Variants in GFPT2 observed in about 807,000 individuals in gnomAD.
GFPT2 encodes the protein glutamine--fructose-6-phosphate transaminase 2, also known as glutamine--fructose-6-phosphate aminotransferase [isomerizing] 2.
A neutral mutation model predicts 85.6 loss-of-function variants in GFPT2; 62 were observed. The observed-to-expected ratio is 0.72, with a 90% CI of 0.59 to 0.90. The LOEUF (loss-of-function observed/expected upper bound fraction) is 0.90. Among genes scored for constraint, GFPT2 ranks in the 40% least tolerant of loss-of-function variants. The pLI is 0.00. For missense variants in GFPT2, 788 were observed against 893.4 expected (o/e 0.88, Z 1.50); for synonymous variants, 368 against 344.5 (o/e 1.07, Z -0.75).
In GFPT2 at chr5:180,328,130, C is replaced by T. The variant is rs766155888; in HGVS notation, c.596+147G>A. On this transcript the variant is annotated intron_variant, in intron 7 of 18. Transcript: ENST00000253778. The surrounding 1 kb of genome is among the most constrained non-coding windows in gnomAD (Gnocchi z 5.4). ...CACCAGCCATGGAGATGGTGGGGCG[C>T]GGTCCCCGGGGCTGAGCCACAGTTG... The T allele has an allele frequency of 1.3e-4, 69 of 544,368 alleles. No homozygotes were observed. Among genetic ancestry groups the T allele is most frequent in the Middle Eastern group, 3.0e-4 (1 of 3,340 alleles). The allele number at this position is 544,368 out of a possible 1,614,324, so 33.7% of individuals were successfully genotyped here.
Position 180,305,987 on chromosome 5 carries a change from T to C in GFPT2, c.1675-1048A>G, listed in dbSNP as rs566144805. On this transcript the variant is annotated intron_variant, in intron 16 of 18. Coordinates refer to ENST00000253778, the MANE Select transcript of GFPT2 (RefSeq NM_005110.4). Reference sequence around the variant, plus strand: ...TTCTTTTTTTTTTCTTTCTTTCTTTTTTTTTTTTTTCGTTGAGATGGGAGT... The same window carrying C: ...TTCTTTTTTTTTTCTTTCTTTCTTTCTTTTTTTTTTCGTTGAGATGGGAGT... Among the ~76,000 whole-genome samples the C allele has an allele frequency of 3.3e-5, 5 of 151,024 alleles. No individual in the cohort carries two copies. The South Asian group carries it at 8.4e-4, about 25-fold the overall frequency.
At chr5:180,310,361 C>T (rs909015065) in intron 15 of GFPT2, among the ~76,000 whole-genome samples, 1 of 151,768 alleles carries the variant, frequency 6.6e-6, no homozygotes, top group African/African-American at 2.4e-5. Flanking sequence ...CCTCGGCCTC[C>T]CAAAGTACTG....
At chr5:180,325,127 C>G (rs1001627749) in intron 7 of GFPT2, among the ~76,000 whole-genome samples, 1 of 152,200 alleles carries the variant, frequency 6.6e-6, no homozygotes, top group African/African-American at 2.4e-5. Context: ...TAACCTGTCT[C>G]ACTCCCACCC....
intron 18 of GFPT2, 135 bp downstream of exon 18, chr5:180,302,286 CAA>C (rs202124937): frequency 0.22 from 108,763 of 499,780 alleles, 6,290 homozygotes; most frequent in East Asian, 0.36. Flanking sequence ...GACTCAATCT[CAA>C]AAAAAAAAAA....
intron 14 of GFPT2, 82 bp downstream of exon 14, chr5:180,313,725 G>C: frequency 7.9e-7 from 1 of 1,265,562 alleles, no homozygotes; most frequent in Non-Finnish European, 1.1e-6. Context: ...GGCGCGGGCA[G>C]AGCAGGCCGG....
intron 7 of GFPT2, among the ~76,000 whole-genome samples, chr5:180,327,359 C>G (rs1326439401): frequency 6.6e-6 from 1 of 152,250 alleles, no homozygotes; most frequent in Non-Finnish European, 1.5e-5. Context: ...TAGAACGCCT[C>G]CGTCCCACCA....
rs1179017282 is a variant in GFPT2, at chr5:180,328,170, C to T, written c.596+107G>A. On this transcript the variant is annotated intron_variant, in intron 7 of 18. Coordinates refer to ENST00000253778, the MANE Select transcript of GFPT2 (RefSeq NM_005110.4). The surrounding 1 kb of genome is among the most constrained non-coding windows in gnomAD (Gnocchi z 5.4). ...AGCCACAGTTGTTCTTTAGACACCA[C>T]GAGCACCTTTCAGCGTGCCACAGGC... 8.4e-6 allele frequency: 7 copies of T among 832,646 alleles called. No homozygotes were observed. Among genetic ancestry groups the T allele is most frequent in the Non-Finnish European group, 1.2e-5 (6 of 487,764 alleles). The allele number at this position is 832,646 out of a possible 1,614,324, so 51.6% of individuals were successfully genotyped here. A position where few individuals can be genotyped will look rare whatever the true frequency, so the allele number is the denominator to read the frequency against.
intron 16 of GFPT2, 141 bp downstream of exon 16, chr5:180,307,035 A>G: frequency 1.6e-6 from 1 of 640,438 alleles, no homozygotes; most frequent in East Asian, 2.8e-5. Flanking sequence ...GCTGGTGCTC[A>G]GCGCAGGCTC....
At chr5:180,304,586 C>T (rs914303566) in intron 17 of GFPT2, among the ~76,000 whole-genome samples, 186 bp downstream of exon 17, 2 of 152,254 alleles carry the variant, frequency 1.3e-5, no homozygotes, top group Non-Finnish European at 2.9e-5. Flanking sequence ...CTGTGTGGGA[C>T]AGCTGCGGGC....
At chr5:180,305,954 C>G (rs1043809918) in intron 16 of GFPT2, among the ~76,000 whole-genome samples, 1 of 150,950 alleles carries the variant, frequency 6.6e-6, no homozygotes, top group Admixed American at 6.6e-5. Context: ...TTGTAACTGG[C>G]ATTGTCTTTC....
intron 1 of GFPT2, among the ~76,000 whole-genome samples, chr5:180,349,802 C>A (rs1323423995): frequency 6.6e-6 from 1 of 151,656 alleles, no homozygotes; most frequent in Non-Finnish European, 1.5e-5. Context: ...CCAACCAGGA[C>A]AAAAGACGGT....
At chr5:180,321,884 C>T (rs1192700011) in intron 9 of GFPT2, among the ~76,000 whole-genome samples, 2 of 152,104 alleles carry the variant, frequency 1.3e-5, no homozygotes, top group Non-Finnish European at 2.9e-5. Flanking sequence ...CCCGGGTTCA[C>T]GCCATTCTCC....
rs1253984045 is a variant in GFPT2, at chr5:180,330,674, T to A, written c.534+26A>T. 6.3e-7 allele frequency: 1 copy of A among 1,591,724 alleles called. No individual in the cohort carries two copies. The highest frequency in any genetic ancestry group is 8.6e-7 in the Non-Finnish European group (1 of 1,160,972). ...TTTAATGAAAGAATGAAGGAATGAG[T>A]TAGACAGATGGGATTTGTAACTCAC... On this transcript the variant is annotated intron_variant, in intron 6 of 18. Transcript: ENST00000253778. This position sits in a 1 kb window ranked among gnomAD's most constrained non-coding sequence, Gnocchi z 4.4.
At chr5:180,347,285 C>T (rs1764627445) in intron 1 of GFPT2, among the ~76,000 whole-genome samples, 2 of 152,226 alleles carry the variant, frequency 1.3e-5, no homozygotes, top group Admixed American at 1.3e-4. Context: ...CTGGGCCAAG[C>T]ATCCTTCCTA....
intron 1 of GFPT2, among the ~76,000 whole-genome samples, chr5:180,342,099 C>T (rs955661334): frequency 6.6e-6 from 1 of 152,144 alleles, no homozygotes; most frequent in Non-Finnish European, 1.5e-5. Context: ...TGCACACACT[C>T]TCTTCTCTTG....
At chr5:180,308,764 C>T (rs749803788) in intron 15 of GFPT2, among the ~76,000 whole-genome samples, 1 of 152,100 alleles carries the variant, frequency 6.6e-6, no homozygotes, top group East Asian at 1.9e-4. Context: ...TCTGTGACAT[C>T]GTGAACTGGC....
intron 7 of GFPT2, among the ~76,000 whole-genome samples, chr5:180,325,841 A>G (rs1331690840): frequency 2.0e-5 from 3 of 152,192 alleles, no homozygotes; most frequent in Admixed American, 6.5e-5. Context: ...CCTGGCCAAC[A>G]TGGCGGAACC....
intron 13 of GFPT2, among the ~76,000 whole-genome samples, chr5:180,315,604 C>G (rs887248687): frequency 3.9e-5 from 6 of 152,074 alleles, no homozygotes; most frequent in Admixed American, 3.9e-4. Flanking sequence ...TGAGTGTGTC[C>G]GACCGGCACA....
intron 1 of GFPT2, among the ~76,000 whole-genome samples, chr5:180,350,069 C>A (rs1764683013): frequency 6.6e-6 from 1 of 152,124 alleles, no homozygotes; most frequent in South Asian, 2.1e-4. Context: ...CTCTGCAGGG[C>A]CCGTGCTCGT....
Sources: gnomAD v4.1 joint callset for allele counts (sites outside exome capture counted in the v4.1 genomes callset) on GRCh38, gnomAD v4.1.1 for gene constraint, Gnocchi (gnomAD v3.1) non-coding constraint, MANE v1.5 for transcripts, NCBI Gene and HGNC (gene_info 2026-07-23, HGNC 2026-07-21) for gene names.